The following RAB6A variants were observed in gnomAD, a reference collection of about 807,000 sequenced individuals.
RAB6A encodes RAB6A, member RAS oncogene family.
In RAB6A, 8 loss-of-function variants were observed where a neutral mutation model predicts 32.3. The observed-to-expected ratio is 0.25, with a 90% CI of 0.15 to 0.45. The LOEUF (loss-of-function observed/expected upper bound fraction) is 0.45, where lower values mean the gene tolerates loss of function less well. Ranked by LOEUF, RAB6A falls within the 20% of genes least tolerant of loss-of-function variation. RAB6A has a pLI of 1.00. For missense variants in RAB6A, 104 were observed against 249.4 expected, an observed-to-expected ratio of 0.42 and a Z score of 3.93; for synonymous variants, 73 against 82.1, an observed-to-expected ratio of 0.89 and a Z score of 0.60.
intron 1 of RAB6A, among the ~76,000 whole-genome samples, chr11:73,734,259 G>C (rs765306852): frequency 6.6e-6 from 1 of 152,216 alleles, no homozygotes; most frequent in South Asian, 2.1e-4. Context: ...CTGGGTAGCT[G>C]AGATTACAGG....
intron 4 of RAB6A, 105 bp from the exon 5 acceptor site, chr11:73,716,467 C>A: frequency 1.5e-6 from 1 of 663,070 alleles, no homozygotes. Flanking sequence ...AGGGGGCTGG[C>A]ACATTAGTAC....
chr11:73,723,953 T>G (rs1946179436), intron 2 of RAB6A, among the ~76,000 whole-genome samples: 1 of 152,038 alleles, frequency 6.6e-6, no homozygotes, highest in South Asian at 2.1e-4. Flanking sequence ...ATATATAAGA[T>G]TTTTTTTAGT....
At chr11:73,688,497 G>A (rs933968803) in intron 6 of RAB6A, among the ~76,000 whole-genome samples, 6 of 152,158 alleles carry the variant, frequency 3.9e-5, no homozygotes, top group Admixed American at 3.3e-4. Flanking sequence ...TGTCCATCAC[G>A]TTCTGGCTCC....
At chr11:73,723,920 G>A (rs1169817476) in intron 2 of RAB6A, among the ~76,000 whole-genome samples, 1 of 152,100 alleles carries the variant, frequency 6.6e-6, no homozygotes, top group Non-Finnish European at 1.5e-5. Flanking sequence ...TCTATATACT[G>A]TAAACCAGTA....
At chr11:73,746,302 T>C (rs1946587709) in intron 1 of RAB6A, among the ~76,000 whole-genome samples, 2 of 152,206 alleles carry the variant, frequency 1.3e-5, no homozygotes, top group African/African-American at 2.4e-5. Context: ...TTATGATTTA[T>C]ATGCTTCTAT....
At chr11:73,759,931 A>C in intron 1 of RAB6A, 8 of 684,634 alleles carry the variant, frequency 1.2e-5, no homozygotes, top group Admixed American at 3.0e-5. Context: ...TACCCCTTTC[A>C]CCCCCAACCA....
chr11:73,738,096 C>T (rs999551475), intron 1 of RAB6A, among the ~76,000 whole-genome samples: 10 of 151,626 alleles, frequency 6.6e-5, no homozygotes, highest in African/African-American at 2.4e-4. Flanking sequence ...AACTTTAGCT[C>T]CATAAAGTTG....
At chr11:73,714,436 C>A (rs911262406) in intron 5 of RAB6A, among the ~76,000 whole-genome samples, 5 of 150,292 alleles carry the variant, frequency 3.3e-5, no homozygotes, top group Non-Finnish European at 7.4e-5. Flanking sequence ...CCAAGGCAGG[C>A]GGATCACAAG....
At chr11:73,697,344 T>C (rs1358377312) in intron 6 of RAB6A, among the ~76,000 whole-genome samples, 1 of 152,142 alleles carries the variant, frequency 6.6e-6, no homozygotes, top group Non-Finnish European at 1.5e-5. Context: ...TCTTTTTTTT[T>C]CTTTTTGAAA....
intron 1 of RAB6A, among the ~76,000 whole-genome samples, chr11:73,759,837 T>C (rs1274139525): frequency 6.6e-6 from 1 of 152,168 alleles, no homozygotes; most frequent in Non-Finnish European, 1.5e-5. Flanking sequence ...TTGTCAGTGA[T>C]GAAAGTCAAG....
chr11:73,735,920 TAAAA>T (rs10676769), intron 1 of RAB6A, among the ~76,000 whole-genome samples: 3 of 87,080 alleles, frequency 3.4e-5, no homozygotes, highest in Non-Finnish European at 4.4e-5. Context: ...AACCTTGCCT[TAAAA>T]AAAAAAAAAA....
intron 6 of RAB6A, among the ~76,000 whole-genome samples, chr11:73,685,454 A>T (rs1323149891): frequency 1.3e-5 from 2 of 150,696 alleles, no homozygotes; most frequent in African/African-American, 4.9e-5. Context: ...CACCCGGCAA[A>T]TTTTTTGCAA....
intron 1 of RAB6A, among the ~76,000 whole-genome samples, chr11:73,749,664 C>T (rs1047755963): frequency 1.3e-5 from 2 of 152,140 alleles, no homozygotes; most frequent in Non-Finnish European, 2.9e-5. Context: ...GAGTTTGAGA[C>T]CACCCTGGTC....
chr11:73,689,517 A>T (rs1945511670), intron 6 of RAB6A, among the ~76,000 whole-genome samples: 1 of 152,176 alleles, frequency 6.6e-6, no homozygotes, highest in Non-Finnish European at 1.5e-5. Flanking sequence ...GGGACCCCTG[A>T]CCTACATCGT....
In RAB6A at chr11:73,709,963, T is replaced by TATATATA. The variant is rs200611952; in HGVS notation, c.402-2451_402-2450insTATATAT. On this transcript the variant is annotated intron_variant, in intron 5 of 7. Transcript: ENST00000336083. The stretch of plus-strand genomic sequence containing the variant: ...CACACACACACACATATATATATAT[T>TATATATA]TTTTTTTTTTTTTGAGACGGAGTCT... 3.3e-3 allele frequency among the ~76,000 whole-genome samples: 163 copies of TATATATA among 49,706 alleles called. 1 individual carries two copies. Among genetic ancestry groups the TATATATA allele is most frequent in the African/African-American group, 0.01 (123 of 12,066 alleles). The allele number at this position is 49,706 out of a possible 152,430, so 32.6% of individuals were successfully genotyped here.
intron 6 of RAB6A, among the ~76,000 whole-genome samples, chr11:73,701,662 T>C (rs945646606): frequency 6.6e-6 from 1 of 152,208 alleles, no homozygotes; most frequent in Non-Finnish European, 1.5e-5. Flanking sequence ...TGTTTTTTGT[T>C]TTTTATTTTG....
At chr11:73,718,978 A>G (rs1590859463) in intron 3 of RAB6A, 1 of 1,226,512 alleles carries the variant, frequency 8.2e-7, no homozygotes, top group Non-Finnish European at 1.1e-6. Flanking sequence ...TAAAAGGGAG[A>G]GGGTGGGAAG....
chr11:73,730,677 A>T (rs1345135058), intron 2 of RAB6A, 88 bp downstream of exon 2: 2 of 1,047,040 alleles, frequency 1.9e-6, no homozygotes, highest in Non-Finnish European at 2.9e-6. Flanking sequence ...TTACATCCAC[A>T]ACTGCAAGTA....
chr11:73,737,827 T>C (rs528606202), intron 1 of RAB6A, among the ~76,000 whole-genome samples: 1 of 151,798 alleles, frequency 6.6e-6, no homozygotes, highest in East Asian at 1.9e-4. Flanking sequence ...ACCCCGTCTC[T>C]ACTTAAAAAA....
Sources: allele counts gnomAD v4.1 joint callset (sites outside exome capture counted in the v4.1 genomes callset), GRCh38; gene constraint gnomAD v4.1.1; transcripts MANE v1.5; gene names NCBI Gene and HGNC (gene_info 2026-07-23, HGNC 2026-07-21).